The following PLCB3 variants were observed in gnomAD, a reference collection of about 807,000 sequenced individuals.
PLCB3 encodes the protein phospholipase C beta 3.
Under a neutral mutation model 152.1 loss-of-function variants are expected in PLCB3, and 54 were observed. That is an observed-to-expected ratio of 0.36 (90% CI 0.29 to 0.45). PLCB3 has a LOEUF of 0.45. Ranked by LOEUF, PLCB3 falls within the 20% of genes least tolerant of loss-of-function variation. PLCB3 has a pLI of 1.00. For missense variants in PLCB3, 1,248 were observed against 1,687.5 expected (o/e 0.74, Z 4.56); for synonymous variants, 717 against 698.7 (o/e 1.03, Z -0.41).
rs777597945 is a variant in PLCB3 at position 64,263,596 on chromosome 11, C to A, written c.2454C>A (p.Ser818=). Residue 818 remains serine, a splice_region_variant and synonymous_variant, in exon 20 of 31, where the codon TCC becomes TCA. Coordinates refer to ENST00000279230, the MANE Select transcript of PLCB3 (RefSeq NM_000932.5). The part of the protein sequence containing the change: ...HRILPVSAIR[S]GYHYVCLRNE... ...TCCTGCCTGTCTCTGCCATCCGCTCCGGTGAGGCCTTGGTGGGCTCTGGGC... is the reference window on the plus strand; with the variant it reads ...TCCTGCCTGTCTCTGCCATCCGCTCAGGTGAGGCCTTGGTGGGCTCTGGGC... 3 of 1,610,920 alleles carry A rather than the reference C, an allele frequency of 1.9e-6. No homozygotes were observed. Among genetic ancestry groups the A allele is most frequent in the Non-Finnish European group, 2.5e-6 (3 of 1,177,984 alleles).
rs538437430 is a variant in PLCB3 at position 64,265,057 on chromosome 11, C to A, written c.2759C>A (p.Pro920His). 595 of 1,539,362 alleles carry A rather than the reference C, an allele frequency of 3.9e-4. 11 individuals are homozygous for A. The South Asian group carries it at 6.8e-3, about 18-fold the overall frequency. Reference sequence around the variant, plus strand: ...CCACTGGATGCCTCCCCCCGCCGGCCCCCTGGCCCCACCACCTCCCCTGCC... The same window carrying A: ...CCACTGGATGCCTCCCCCCGCCGGCACCCTGGCCCCACCACCTCCCCTGCC... The part of the protein sequence containing the change: ...PSPLDASPRR[P>H]PGPTTSPAST... The change falls in exon 23 of 31, where the codon CCC becomes CAC. Residue 920 changes from proline (P) to histidine (H), a missense_variant. Around this residue, in one of 6 missense-constraint regions of PLCB3, gnomAD observed 477 missense variants for 489.6 expected, o/e 0.97. Transcript: ENST00000279230.
At position 64,255,697 on chromosome 11, in the gene PLCB3, C is replaced by T. The variant is rs762827135; in HGVS notation, c.598-24C>T. 1.9e-6 allele frequency: 3 copies of T among 1,610,842 alleles called. No individual in the cohort carries two copies. Among genetic ancestry groups the T allele is most frequent in the East Asian group, 2.2e-5 (1 of 44,858 alleles). On this transcript the variant is annotated intron_variant, in intron 7 of 30. Coordinates refer to ENST00000279230, the MANE Select transcript of PLCB3 (RefSeq NM_000932.5). This position sits in a 1 kb window ranked among gnomAD's most constrained non-coding sequence, Gnocchi z 6.8. ...ACGGGGCTGCCCGCCCCTGGCTTCT[C>T]ACCCCACACTCCTCGACCTCCAGAG...
intron 14 of PLCB3, among the ~76,000 whole-genome samples, chr11:64,261,161 C>T (rs992417187): frequency 3.9e-5 from 6 of 152,006 alleles, no homozygotes; most frequent in East Asian, 1.9e-4. Context: ...ATAAATTAGC[C>T]GGGCAAGGTG....
Position 64,263,786 on chromosome 11 carries a change from G to T in PLCB3, c.2551G>T (p.Asp851Tyr). The change falls in exon 21 of 31, where the codon GAC becomes TAC. Residue 851 changes from aspartate to tyrosine, a missense_variant. Asp to Tyr is a radical substitution (Grantham distance 160). Transcript: ENST00000279230. ...YTEASDYIPD[D>Y]HQDYAEALIN... is the part of the protein sequence containing the mutation. ...CGAAGCCTCGGACTACATTCCTGAC[G>T]ACCACCAGGGTGAGCTGGGGGTGGG... is the stretch of plus-strand genomic sequence containing the variant. 1 of 1,612,448 alleles carries T rather than the reference G, an allele frequency of 6.2e-7. No individual in the cohort carries two copies. The highest frequency in any genetic ancestry group is 8.5e-7 in the Non-Finnish European group (1 of 1,179,380).
At position 64,251,767 on chromosome 11, in the gene PLCB3, G is replaced by T. The variant is rs1001119105; in HGVS notation, c.99+19G>T. The T allele has an allele frequency of 4.4e-6, 6 of 1,356,016 alleles. No homozygotes were observed. The African/African-American group carries it at 9.1e-5, about 21-fold the overall frequency. The allele number at this position is 1,356,016 out of a possible 1,614,324, so 84.0% of individuals were successfully genotyped here. On this transcript the variant is annotated intron_variant, in intron 1 of 30. Transcript: ENST00000279230. ...GGACGAGGTAAGCGCGCGGGCCCCT[G>T]CTCCGCCCAAATCCCGGGACTCTTT...
chr11:64,262,107 G>A (rs551578376), intron 17 of PLCB3, 31 bp downstream of exon 17: 22 of 1,613,414 alleles, frequency 1.4e-5, no homozygotes, highest in African/African-American at 6.7e-5. Context: ...TCTTGACCCC[G>A]ACCCTCAGTC....
In PLCB3 at chr11:64,267,067, T is replaced by C. The variant is rs1443519623; in HGVS notation, c.3415-118T>C. 1.2e-6 allele frequency: 1 copy of C among 831,346 alleles called. No homozygotes were observed. The highest frequency in any genetic ancestry group is 1.7e-5 in the African/African-American group (1 of 59,170). 51.5% of individuals were successfully genotyped at this position (831,346 alleles called of 1,614,324 possible). A position where few individuals can be genotyped will look rare whatever the true frequency, so the allele number is the denominator to read the frequency against. Reference sequence around the variant, plus strand: ...CCTTGGCCTCCCAAAGTGCTGGGATTATAGATGTGAGCCACTGCACCCGGC... The same window carrying C: ...CCTTGGCCTCCCAAAGTGCTGGGATCATAGATGTGAGCCACTGCACCCGGC... On this transcript the variant is annotated intron_variant, in intron 29 of 30. Coordinates refer to ENST00000279230, the MANE Select transcript of PLCB3 (RefSeq NM_000932.5). The surrounding 1 kb of genome is among the most constrained non-coding windows in gnomAD (Gnocchi z 5.2).
At chr11:64,262,257 T>G in intron 17 of PLCB3, 150 bp from the exon 18 acceptor site, 1 of 1,258,126 alleles carries the variant, frequency 7.9e-7, no homozygotes, top group Non-Finnish European at 1.1e-6. Flanking sequence ...CTCCCCTGTC[T>G]GATCTGTCCT....
intron 25 of PLCB3, 40 bp downstream of exon 25, chr11:64,265,542 G>A (rs1352329086): frequency 6.4e-7 from 1 of 1,559,186 alleles, no homozygotes; most frequent in Non-Finnish European, 8.6e-7. Flanking sequence ...TGTGCTGGGT[G>A]TGCTGATGTG....
chr11:64,267,366 T>C lies in PLCB3; in HGVS notation c.3515T>C (p.Leu1172Pro), dbSNP rs1474707956. The C allele has an allele frequency of 6.5e-7, 1 of 1,547,092 alleles. No homozygotes were observed. The highest frequency in any genetic ancestry group is 2.0e-5 in the Admixed American group (1 of 51,262). The change falls in exon 31 of 31, where the codon CTG becomes CCG. Residue 1172 changes from leucine to proline, a missense_variant. By Grantham distance (98) the Leu-to-Pro change is moderately conservative (BLOSUM62 -3). This residue lies in a region of PLCB3 where 477 missense variants were observed against 489.6 expected (regional missense o/e 0.97). Coordinates refer to ENST00000279230, the MANE Select transcript of PLCB3 (RefSeq NM_000932.5). The surrounding 1 kb of genome is among the most constrained non-coding windows in gnomAD (Gnocchi z 5.2). ...AEEEPKLLAQ[L>P]AQECQEQRAR... ...CTTCTCCCACAGCTGCTGGCCCAGC[T>C]GGCCCAGGAGTGTCAGGAGCAGCGG... is the stretch of plus-strand genomic sequence containing the variant.
At chr11:64,260,351 G>A in intron 14 of PLCB3, 117 bp downstream of exon 14, 2 of 703,108 alleles carry the variant, frequency 2.8e-6, no homozygotes, top group Admixed American at 2.8e-5. Context: ...CAGTGTGGGT[G>A]TGAGTGAAGG....
At position 64,258,742 on chromosome 11, in the gene PLCB3, T is replaced by C. The variant is rs1414568617; in HGVS notation, c.1253+29T>C. 1.4e-5 allele frequency: 23 copies of C among 1,611,922 alleles called. No individual in the cohort carries two copies. The highest frequency in any genetic ancestry group is 1.8e-5 in the Non-Finnish European group (21 of 1,178,742). Reference sequence around the variant, plus strand: ...AGTGAGCCCCTGGCATGAAACCCCATGGACCGGGGGACAGTCTTCCAGCTT... The same window carrying C: ...AGTGAGCCCCTGGCATGAAACCCCACGGACCGGGGGACAGTCTTCCAGCTT... On this transcript the variant is annotated intron_variant, in intron 11 of 30. Coordinates refer to ENST00000279230, the MANE Select transcript of PLCB3 (RefSeq NM_000932.5). The surrounding 1 kb of genome is among the most constrained non-coding windows in gnomAD (Gnocchi z 7.2).
At chr11:64,257,880 A>G (rs546137211) in intron 10 of PLCB3, among the ~76,000 whole-genome samples, 35 of 152,176 alleles carry the variant, frequency 2.3e-4, no homozygotes, top group African/African-American at 7.5e-4. Flanking sequence ...GAGGCCAGGC[A>G]CAGTGGTTCA....
At chr11:64,257,925 G>T (rs1309908523) in intron 10 of PLCB3, among the ~76,000 whole-genome samples, 1 of 152,082 alleles carries the variant, frequency 6.6e-6, no homozygotes, top group Non-Finnish European at 1.5e-5. Flanking sequence ...AGGCTGAGGC[G>T]TGTGGATCAC....
Position 64,255,161 on chromosome 11 carries a change from G to A in PLCB3, c.388-73G>A, listed in dbSNP as rs895484949. The A allele has an allele frequency of 2.6e-6, 4 of 1,523,540 alleles. No homozygotes were observed. Among genetic ancestry groups the A allele is most frequent in the Non-Finnish European group, 3.6e-6 (4 of 1,099,222 alleles). 94.4% of individuals were successfully genotyped at this position (1,523,540 alleles called of 1,614,324 possible). On this transcript the variant is annotated intron_variant, in intron 4 of 30. Transcript: ENST00000279230. The surrounding 1 kb of genome is among the most constrained non-coding windows in gnomAD (Gnocchi z 6.8). ...GACCTACTGTGTACCAGAGGCAGTT[G>A]TGGACCTGGGTTGTGGCTGGGCAGC...
In PLCB3 at chr11:64,264,809, C is replaced by T. The variant is rs1017975521; in HGVS notation, c.2653-142C>T. Reference sequence around the variant, plus strand: ...TTTATAGCTCTTCTCATGCAGACAGCCTCCTGTTACAGAGCAGTCCAGCAG... The same window carrying T: ...TTTATAGCTCTTCTCATGCAGACAGTCTCCTGTTACAGAGCAGTCCAGCAG... On this transcript the variant is annotated intron_variant, in intron 22 of 30. Coordinates refer to ENST00000279230, the MANE Select transcript of PLCB3 (RefSeq NM_000932.5). 16 of 712,072 alleles carry T rather than the reference C, an allele frequency of 2.2e-5. No homozygotes were observed. The East Asian group carries it at 2.3e-4, about 10-fold the overall frequency. 44.1% of individuals were successfully genotyped at this position (712,072 alleles called of 1,614,324 possible). A position where few individuals can be genotyped will look rare whatever the true frequency, so the allele number is the denominator to read the frequency against.
Position 64,262,269 on chromosome 11 carries a change from G to T in PLCB3, c.2039-138G>T, listed in dbSNP as rs571771029. 5.4e-6 allele frequency: 7 copies of T among 1,299,660 alleles called. No homozygotes were observed. The African/African-American group carries it at 1.0e-4, about 19-fold the overall frequency. The allele number at this position is 1,299,660 out of a possible 1,614,324, so 80.5% of individuals were successfully genotyped here. ...CCCCTCCCCTGTCTGATCTGTCCTG[G>T]ATCCGGACCCTGATGCCATTTGAGC... On this transcript the variant is annotated intron_variant, in intron 17 of 30. Transcript: ENST00000279230.
chr11:64,254,673 G>A, intron 2 of PLCB3, 75 bp from the exon 3 acceptor site: 8 of 1,524,172 alleles, frequency 5.2e-6, no homozygotes, highest in Non-Finnish European at 6.4e-6. Context: ...TCCCTGGCCT[G>A]GGTAGAGAGC....
At position 64,251,653 on chromosome 11, in the gene PLCB3, G is replaced by T. The variant is rs1037364881; in HGVS notation, c.4G>T (p.Ala2Ser). ...CCGACCCGCCCCTGGCCGGGCCATGGCGGGCGCCCAGCCCGGCGTCCACGC... is the reference window on the plus strand; with the variant it reads ...CCGACCCGCCCCTGGCCGGGCCATGTCGGGCGCCCAGCCCGGCGTCCACGC... M[A>S]GAQPGVHALQ... The change falls in exon 1 of 31, where the codon GCG (alanine) becomes TCG (serine). Residue 2 changes from alanine to serine, a missense_variant. This residue lies in a region of PLCB3 where 299 missense variants were observed against 434.7 expected (regional missense o/e 0.69). Coordinates refer to ENST00000279230, the MANE Select transcript of PLCB3 (RefSeq NM_000932.5). 1 of 1,463,806 alleles carries T rather than the reference G, an allele frequency of 6.8e-7. No homozygotes were observed. The highest frequency in any genetic ancestry group is 1.5e-5 in the African/African-American group (1 of 67,912). The allele number at this position is 1,463,806 out of a possible 1,614,324, so 90.7% of individuals were successfully genotyped here. A position where few individuals can be genotyped will look rare whatever the true frequency, so the allele number is the denominator to read the frequency against.
Sources: allele counts gnomAD v4.1 joint callset (sites outside exome capture counted in the v4.1 genomes callset), GRCh38; gene constraint gnomAD v4.1.1; regional missense constraint gnomAD v4.1.1; non-coding constraint Gnocchi (gnomAD v3.1); transcripts MANE v1.5; gene names NCBI Gene and HGNC (gene_info 2026-07-23, HGNC 2026-07-21).